ZNF568: variants seen among roughly 807,000 people sequenced by gnomAD.
ZNF568 encodes the protein zinc finger protein 568, also known as p53 inhibitor of SCO2 activation.
ZNF568 carries 11 observed loss-of-function variants against 18.1 expected under a neutral mutation model. That is an observed-to-expected ratio of 0.61 (90% CI 0.38 to 1.00). The LOEUF is 1.00. ZNF568 is among the 50% of genes least tolerant of loss of function. The pLI, the probability that ZNF568 is intolerant of heterozygous loss-of-function variation, is 0.01. For missense variants in ZNF568, 639 were observed against 768.2 expected (o/e 0.83, Z 1.99); for synonymous variants, 213 against 246.6 (o/e 0.86, Z 1.28).
At chr19:36,925,078 A>C in intron 3 of ZNF568, 122 bp from the exon 4 acceptor site, 1 of 808,408 alleles carries the variant, frequency 1.2e-6, no homozygotes, top group Non-Finnish European at 2.1e-6. Context: ...GGCAGTTAAC[A>C]TTTCTTATTG....
chr19:36,989,734 T>C lies in ZNF568; in HGVS notation c.10-1442T>C, dbSNP rs911387000. On this transcript the variant is annotated intron_variant, in intron 2 of 4. Transcript: ENST00000433993. The stretch of plus-strand genomic sequence containing the variant: ...CTTGTCCGGCTAATTTTGGATTTTT[T>C]TGTAGAAACGGGATCTCACTGTGTT... Among the ~76,000 whole-genome samples, 8 of 152,146 alleles carry C rather than the reference T, an allele frequency of 5.3e-5. No homozygotes were observed. In the South Asian group the frequency reaches 1.7e-3, roughly 32 times the overall value.
intron 3 of ZNF568, among the ~76,000 whole-genome samples, chr19:36,924,672 T>C (rs1418334197): frequency 6.6e-6 from 1 of 150,656 alleles, no homozygotes; most frequent in Non-Finnish European, 1.5e-5. Context: ...CTACTAAAAA[T>C]ACAAAAAAGT....
At chr19:36,927,893 ATATATATATATTTTTTTTTTTTTTTT>A (rs2073602138) in intron 4 of ZNF568, among the ~76,000 whole-genome samples, 8 of 25,310 alleles carry the variant, frequency 3.2e-4, no homozygotes, top group African/African-American at 1.2e-3. Flanking sequence ...TATATTATAT[ATATATATATATTTTTTTTTTTTTTTT>A]TTTTTTTTTT....
chr19:36,930,213 C>CT (rs35298028), intron 4 of ZNF568, among the ~76,000 whole-genome samples: 2,843 of 142,328 alleles, frequency 0.02, 116 homozygotes, highest in African/African-American at 0.061. Flanking sequence ...GATGCAATTT[C>CT]TTTTTTTTTT....
downstream of ZNF568, among the ~76,000 whole-genome samples, chr19:36,956,699 C>A (rs774838301): frequency 1.3e-5 from 2 of 151,826 alleles, no homozygotes; most frequent in Non-Finnish European, 2.9e-5. Context: ...CAGGCTCAAG[C>A]GATTCTCATG....
chr19:36,990,956 A>G (rs2074418578), intron 2 of ZNF568: 2 of 461,818 alleles, frequency 4.3e-6, no homozygotes, highest in Non-Finnish European at 7.7e-6. Context: ...GGAAGTGCCC[A>G]GAGGCTACCT....
At chr19:36,924,400 G>A (rs1162923899) in intron 3 of ZNF568, among the ~76,000 whole-genome samples, 1 of 151,596 alleles carries the variant, frequency 6.6e-6, no homozygotes, top group East Asian at 2.0e-4. Context: ...TGTATTTTTA[G>A]TAGAGACAGG....
At chr19:36,949,036 C>CT (rs891723902) in intron 6 of ZNF568, among the ~76,000 whole-genome samples, 13 of 152,080 alleles carry the variant, frequency 8.5e-5, no homozygotes, top group African/African-American at 2.9e-4. Flanking sequence ...TCTTGTTCAT[C>CT]TTTTTTTACA....
exon 8 of ZNF568, chr19:36,979,613 A>T (rs959113169): frequency 6.6e-6 from 1 of 152,230 alleles, no homozygotes; most frequent in African/African-American, 2.4e-5. Flanking sequence ...CAAGAGATCC[A>T]TTCACATTGC....
chr19:36,962,443 T>C (rs2146324346), intron 6 of ZNF568, among the ~76,000 whole-genome samples: 1 of 151,354 alleles, frequency 6.6e-6, no homozygotes, highest in Admixed American at 6.6e-5. Flanking sequence ...CAGGTTCAAG[T>C]GATTCCCGTG....
Position 36,991,619 on chromosome 19 carries a change from T to C in ZNF568, c.134-132T>C, listed in dbSNP as rs992209163. On this transcript the variant is annotated intron_variant, in intron 3 of 4. Coordinates refer to the ZNF568 transcript ENST00000433993. The stretch of plus-strand genomic sequence containing the variant: ...TAGACAAGAAAGGAATTAATGTTGA[T>C]TTATTGTGGTGCTCTGACCCTCACT... The C allele has an allele frequency of 8.5e-6, 6 of 709,434 alleles. No individual in the cohort carries two copies. The African/African-American group carries it at 1.1e-4, about 13-fold the overall frequency. The allele number at this position is 709,434 out of a possible 1,614,324, so 43.9% of individuals were successfully genotyped here.
At chr19:36,989,976 G>T (rs1293674996) in intron 2 of ZNF568, among the ~76,000 whole-genome samples, 1 of 152,084 alleles carries the variant, frequency 6.6e-6, no homozygotes, top group African/African-American at 2.4e-5. Context: ...TGGTTAAGTG[G>T]AATCACATAT....
intron 4 of ZNF568, among the ~76,000 whole-genome samples, chr19:36,992,313 C>T (rs1400809843): frequency 4.6e-5 from 7 of 151,082 alleles, no homozygotes. Context: ...ACCAACCTGG[C>T]CAACATGGTG....
Position 36,922,779 on chromosome 19 carries a change from T to C in ZNF568, c.9T>C (p.Ser3=), listed in dbSNP as rs1568378772. 1 of 1,614,038 alleles carries C rather than the reference T, an allele frequency of 6.2e-7. No individual in the cohort carries two copies. Among genetic ancestry groups the C allele is most frequent in the Non-Finnish European group, 8.5e-7 (1 of 1,179,968 alleles). The stretch of plus-strand genomic sequence containing the variant: ...GAGCAGGCAGGGTCTGAATGACATC[T>C]CAATCTTCAGTGATCAGCAATAGCT... The part of the protein sequence containing the change: MT[S]QSSVISNSCV... Residue 3 remains serine, a synonymous_variant, in exon 3 of 7, where the codon TCT becomes TCC. Coordinates refer to ENST00000333987, the MANE Select transcript of ZNF568 (RefSeq NM_198539.4).
Position 36,949,956 on chromosome 19 carries a change from A to G in ZNF568, c.803A>G (p.His268Arg), listed in dbSNP as rs913098511. The G allele has an allele frequency of 6.2e-7, 1 of 1,613,846 alleles. No individual in the cohort carries two copies. Among genetic ancestry groups the G allele is most frequent in the African/African-American group, 1.3e-5 (1 of 74,924 alleles). Reference protein sequence around the residue: ...AFSRKENLITHQKIHTGEKPY... With the variant: ...AFSRKENLITRQKIHTGEKPY... ...AGTAGGAAGGAAAATCTTATTACAC[A>G]TCAGAAAATTCATACTGGGGAAAAA... Residue 268 changes from histidine to arginine, a missense_variant, in exon 7 of 7, where the codon CAT becomes CGT. Transcript: ENST00000333987.
downstream of ZNF568, among the ~76,000 whole-genome samples, chr19:36,983,870 T>G (rs373190031): frequency 1.3e-4 from 20 of 150,168 alleles, no homozygotes; most frequent in African/African-American, 4.2e-4. Flanking sequence ...CTTTGGTTTT[T>G]GACAACTTTG....
intron 4 of ZNF568, among the ~76,000 whole-genome samples, chr19:36,995,113 G>C (rs1245100477): frequency 6.6e-6 from 1 of 151,616 alleles, no homozygotes; most frequent in African/African-American, 2.4e-5. Flanking sequence ...AGTTTGTCTC[G>C]GGGGCTGGGC....
intron 2 of ZNF568, chr19:36,991,152 T>TG: frequency 2.0e-6 from 3 of 1,517,904 alleles, no homozygotes; most frequent in Non-Finnish European, 2.6e-6. Flanking sequence ...ATTTCACAAA[T>TG]GGTGTATTTA....
Position 36,952,038 on chromosome 19 carries a change from C to CTTTTTTT in ZNF568, c.*961_*967dup, listed in dbSNP as rs138419937. ...TGTCTATGACGTTGAGGCCAAGGAG[C>CTTTTTTT]TTTTTTTTTTTTTTTTTCAAGACAA... On this transcript the variant is annotated 3_prime_UTR_variant, in exon 7 of 7. Transcript: ENST00000333987. The CTTTTTTT allele has an allele frequency of 9.4e-5, 83 of 880,558 alleles. No homozygotes were observed. The highest frequency in any genetic ancestry group is 2.7e-4 in the East Asian group (2 of 7,292). The allele number at this position is 880,558 out of a possible 1,614,324, so 54.5% of individuals were successfully genotyped here.
Sources: allele counts gnomAD v4.1 joint callset (sites outside exome capture counted in the v4.1 genomes callset), GRCh38; gene constraint gnomAD v4.1.1; transcripts MANE v1.5; gene names NCBI Gene and HGNC (gene_info 2026-07-23, HGNC 2026-07-21).